Variants in TRPS1 observed in about 807,000 individuals in gnomAD.
TRPS1 encodes zinc finger transcription factor Trps1.
Under a neutral mutation model 101.2 loss-of-function variants are expected in TRPS1, and 6 were observed. The observed-to-expected ratio is 0.06, with a 90% CI of 0.03 to 0.12. TRPS1 has a LOEUF of 0.12. Ranked by LOEUF, TRPS1 falls within the 10% of genes least tolerant of loss-of-function variation. TRPS1 has a pLI of 1.00. For synonymous variants in TRPS1, 578 were observed against 589.8 expected, an observed-to-expected ratio of 0.98 and a Z score of 0.29; for missense variants, 1,363 against 1,567.0, an observed-to-expected ratio of 0.87 and a Z score of 2.20.
chr8:115,463,223 T>C (rs1563749314), intron 5 of TRPS1, among the ~76,000 whole-genome samples: 1 of 152,174 alleles, frequency 6.6e-6, no homozygotes, highest in Non-Finnish European at 1.5e-5. Flanking sequence ...GTCACAGAGC[T>C]TAGGTGGAAA....
intron 5 of TRPS1, among the ~76,000 whole-genome samples, chr8:115,578,301 T>C (rs916455690): frequency 1.3e-5 from 2 of 152,138 alleles, no homozygotes; most frequent in African/African-American, 4.8e-5. Context: ...AATTATTTTA[T>C]ACCTTAAAAA....
intron 5 of TRPS1, among the ~76,000 whole-genome samples, chr8:115,533,444 T>TTTTTTTGTTTTG (rs1554583391): frequency 4.7e-4 from 60 of 126,534 alleles, no homozygotes; most frequent in African/African-American, 2.0e-3. Flanking sequence ...CTGTTTTTTT[T>TTTTTTTGTTTTG]TTTTTTTTTT....
At chr8:115,495,410 T>A (rs1815124955) in intron 5 of TRPS1, among the ~76,000 whole-genome samples, 1 of 151,344 alleles carries the variant, frequency 6.6e-6, no homozygotes, top group Admixed American at 6.6e-5. Flanking sequence ...TATAGTCTGA[T>A]AGATCTTATG....
chr8:115,475,728 G>C lies in TRPS1; in HGVS notation c.2701-57276C>G, dbSNP rs991548045. Among the ~76,000 whole-genome samples, 13 of 152,098 alleles carry C rather than the reference G, an allele frequency of 8.5e-5. No homozygotes were observed. The East Asian group carries it at 2.3e-3, about 27-fold the overall frequency. On this transcript the variant is annotated intron_variant, in intron 5 of 6. Coordinates refer to ENST00000395715, the MANE Select transcript of TRPS1 (RefSeq NM_014112.5). The stretch of plus-strand genomic sequence containing the variant: ...TAATACCAGGAATGTATCATGTAAT[G>C]AATGCATATTGAAGATAGTCCATGT...
intron 5 of TRPS1, among the ~76,000 whole-genome samples, chr8:115,532,006 T>A (rs1350402232): frequency 1.3e-5 from 2 of 152,100 alleles, no homozygotes; most frequent in African/African-American, 4.8e-5. Context: ...AGGGACTGCA[T>A]GCTTGTGAAT....
At chr8:115,614,864 T>C (rs1279866467) in intron 3 of TRPS1, among the ~76,000 whole-genome samples, 1 of 151,554 alleles carries the variant, frequency 6.6e-6, no homozygotes, top group Non-Finnish European at 1.5e-5. Context: ...TGGTCTCTGA[T>C]TTTTTTTTCA....
At chr8:115,461,658 T>C (rs1423726156) in intron 5 of TRPS1, among the ~76,000 whole-genome samples, 1 of 152,208 alleles carries the variant, frequency 6.6e-6, no homozygotes, top group African/African-American at 2.4e-5. Flanking sequence ...ATTTCTTCAA[T>C]TTAGTTGGTT....
intron 1 of TRPS1, among the ~76,000 whole-genome samples, chr8:115,631,097 T>C (rs1818631566): frequency 6.6e-6 from 1 of 151,982 alleles, no homozygotes; most frequent in South Asian, 2.1e-4. Context: ...TCACCAACAT[T>C]ACCAAACTAC....
chr8:115,472,143 C>T (rs1425661953), intron 5 of TRPS1, among the ~76,000 whole-genome samples: 2 of 152,230 alleles, frequency 1.3e-5, no homozygotes, highest in African/African-American at 4.8e-5. Context: ...TTCTGCATTG[C>T]CCTAGCAGAG....
chr8:115,645,286 C>T (rs2130596259), intron 1 of TRPS1, among the ~76,000 whole-genome samples: 1 of 152,260 alleles, frequency 6.6e-6, no homozygotes, highest in East Asian at 1.9e-4. Flanking sequence ...AACCCAGAAT[C>T]ACTCTGCTCT....
intron 5 of TRPS1, among the ~76,000 whole-genome samples, chr8:115,442,944 A>C (rs996526644): frequency 6.6e-6 from 1 of 152,020 alleles, no homozygotes; most frequent in Admixed American, 6.6e-5. Context: ...AATACAAAAA[A>C]AATTAGCCGG....
chr8:115,583,388 CTG>C (rs1817494699), intron 5 of TRPS1, among the ~76,000 whole-genome samples: 2 of 151,610 alleles, frequency 1.3e-5, no homozygotes, highest in African/African-American at 4.8e-5. Context: ...TTTACTTATA[CTG>C]TTGGTACAGG....
At position 115,607,428 on chromosome 8, in the gene TRPS1, T is replaced by G. The variant is rs192687512; in HGVS notation, c.967-2426A>C. Among the ~76,000 whole-genome samples the G allele has an allele frequency of 7.0e-4, 107 of 151,810 alleles. 1 individual carries two copies. The highest frequency in any genetic ancestry group is 6.4e-3 in the East Asian group (33 of 5,168). On this transcript the variant is annotated intron_variant, in intron 3 of 6. Coordinates refer to ENST00000395715, the MANE Select transcript of TRPS1 (RefSeq NM_014112.5). Reference sequence around the variant, plus strand: ...TTGGTGTACGTGTCTAGATGTGTTTTTTTTTTTTTGTTAAACCCAGGGAAA... The same window carrying G: ...TTGGTGTACGTGTCTAGATGTGTTTGTTTTTTTTTGTTAAACCCAGGGAAA...
At chr8:115,614,339 A>G (rs1256299845) in intron 3 of TRPS1, among the ~76,000 whole-genome samples, 1 of 152,226 alleles carries the variant, frequency 6.6e-6, no homozygotes, top group Non-Finnish European at 1.5e-5. Context: ...AAAATTATAC[A>G]TGTTCCTTTA....
chr8:115,503,134 T>G (rs2625671), intron 5 of TRPS1, among the ~76,000 whole-genome samples: 151,641 of 151,648 alleles, frequency 1, 75,817 homozygotes, highest in Middle Eastern at 1. Flanking sequence ...GGCGCTTGTA[T>G]TCCCAGCTAC....
intron 5 of TRPS1, among the ~76,000 whole-genome samples, chr8:115,427,651 T>C (rs890713166): frequency 6.6e-6 from 1 of 152,090 alleles, no homozygotes; most frequent in Non-Finnish European, 1.5e-5. Flanking sequence ...TTACCAAAAA[T>C]ATTACACCAT....
chr8:115,416,378 T>A (rs1202731461), intron 6 of TRPS1, among the ~76,000 whole-genome samples: 1 of 151,548 alleles, frequency 6.6e-6, no homozygotes, highest in Non-Finnish European at 1.5e-5. Flanking sequence ...TTTAGGGTAA[T>A]CTTTAAATGG....
intron 1 of TRPS1, among the ~76,000 whole-genome samples, chr8:115,626,423 G>A (rs951533791): frequency 1.1e-4 from 17 of 151,758 alleles, no homozygotes; most frequent in African/African-American, 3.9e-4. Context: ...GAGTTTAGAT[G>A]TTTTCTATTT....
intron 1 of TRPS1, among the ~76,000 whole-genome samples, chr8:115,653,124 G>A (rs944606178): frequency 6.6e-6 from 1 of 152,064 alleles, no homozygotes; most frequent in South Asian, 2.1e-4. Context: ...ACATGGAAAG[G>A]TTCCAATCTC....
Sources: allele counts gnomAD v4.1 joint callset (sites outside exome capture counted in the v4.1 genomes callset), GRCh38; gene constraint gnomAD v4.1.1; transcripts MANE v1.5; gene names NCBI Gene and HGNC (gene_info 2026-07-23, HGNC 2026-07-21).